Variants in DLG2 observed in about 807,000 individuals in gnomAD.
The protein encoded by DLG2 is discs large MAGUK scaffold protein 2.
DLG2 carries 45 observed loss-of-function variants against 132.5 expected under a neutral mutation model. The ratio of observed to expected loss-of-function variants is 0.34; its 90% CI spans 0.27 to 0.44. The LOEUF (loss-of-function observed/expected upper bound fraction) is 0.44. DLG2 is among the 20% of genes least tolerant of loss of function. DLG2 has a pLI of 1.00. For missense variants in DLG2, 1,045 were observed against 1,196.9 expected (o/e 0.87, Z 1.87); for synonymous variants, 424 against 419.6 (o/e 1.01, Z -0.13).
intron 4 of DLG2, among the ~76,000 whole-genome samples, chr11:85,260,612 C>T (rs934512271): frequency 3.9e-5 from 6 of 152,152 alleles, no homozygotes; most frequent in Admixed American, 3.3e-4. Context: ...GGTACTCTGC[C>T]AGATAAAAAT....
chr11:84,886,634 A>C (rs978682117), intron 6 of DLG2, among the ~76,000 whole-genome samples: 1 of 152,136 alleles, frequency 6.6e-6, no homozygotes, highest in Non-Finnish European at 1.5e-5. Context: ...AGAAGGTGCA[A>C]AACCATTTAA....
intron 11 of DLG2, among the ~76,000 whole-genome samples, chr11:84,040,577 C>T (rs1261397492): frequency 4.6e-5 from 7 of 151,814 alleles, no homozygotes; most frequent in African/African-American, 9.7e-5. Context: ...TCCATTGATC[C>T]ATATCTCTGT....
intron 19 of DLG2, among the ~76,000 whole-genome samples, chr11:83,544,961 A>G (rs574673693): frequency 6.6e-6 from 1 of 152,266 alleles, no homozygotes; most frequent in East Asian, 1.9e-4. Flanking sequence ...CAGGGCTGAC[A>G]ACTGCTTCTT....
Position 85,429,194 on chromosome 11 carries a change from G to A in DLG2, c.41-143829C>T, listed in dbSNP as rs562124511. Among the ~76,000 whole-genome samples, 58 of 152,278 alleles carry A rather than the reference G, an allele frequency of 3.8e-4. 1 individual carries two copies. Among genetic ancestry groups the A allele is most frequent in the African/African-American group, 1.3e-3 (53 of 41,558 alleles). The stretch of plus-strand genomic sequence containing the variant: ...ATGGATTCACAGCCGAATTCTACCA[G>A]AGGTACAAGGAGGAGCTGGTACCAT... On this transcript the variant is annotated intron_variant, in intron 3 of 27. Coordinates refer to ENST00000376104, the MANE Select transcript of DLG2 (RefSeq NM_001142699.3).
intron 3 of DLG2, among the ~76,000 whole-genome samples, chr11:85,389,256 C>T (rs758259614): frequency 2.0e-5 from 3 of 152,106 alleles, no homozygotes; most frequent in Non-Finnish European, 4.4e-5. Flanking sequence ...GAAGAAAGAA[C>T]TTCAGAGCTC....
At chr11:84,617,556 C>T (rs756631925) in intron 6 of DLG2, among the ~76,000 whole-genome samples, 3 of 152,094 alleles carry the variant, frequency 2.0e-5, no homozygotes, top group Non-Finnish European at 4.4e-5. Context: ...TGAGGAATGG[C>T]CACACTGTCT....
At chr11:85,522,785 G>A (rs1442474861) in intron 3 of DLG2, among the ~76,000 whole-genome samples, 9 of 152,162 alleles carry the variant, frequency 5.9e-5, no homozygotes, top group Admixed American at 5.2e-4. Context: ...ATTCGGAATG[G>A]GTGGATTTAC....
chr11:85,147,359 T>A (rs890304602), intron 5 of DLG2, among the ~76,000 whole-genome samples: 1 of 152,178 alleles, frequency 6.6e-6, no homozygotes, highest in Non-Finnish European at 1.5e-5. Flanking sequence ...TGGTTTCTCA[T>A]TGTAGTTTTG....
intron 3 of DLG2, among the ~76,000 whole-genome samples, chr11:85,462,120 A>C (rs1033544794): frequency 6.6e-6 from 1 of 152,264 alleles, no homozygotes; most frequent in Non-Finnish European, 1.5e-5. Context: ...CACGCCAGTT[A>C]GAATGGCAAT....
intron 3 of DLG2, among the ~76,000 whole-genome samples, chr11:85,532,245 ATTAT>A (rs978512839): frequency 1.3e-5 from 2 of 152,204 alleles, no homozygotes; most frequent in Non-Finnish European, 2.9e-5. Flanking sequence ...TCTTTTAATT[ATTAT>A]TTATTCATAA....
intron 7 of DLG2, among the ~76,000 whole-genome samples, chr11:84,467,651 T>C (rs1024263537): frequency 2.6e-5 from 4 of 151,400 alleles, no homozygotes; most frequent in African/African-American, 9.7e-5. Flanking sequence ...TGAACCATAA[T>C]TGAATTTTGC....
At chr11:84,934,092 AT>A (rs1185971981) in intron 6 of DLG2, among the ~76,000 whole-genome samples, 1 of 152,098 alleles carries the variant, frequency 6.6e-6, no homozygotes, top group Non-Finnish European at 1.5e-5. Flanking sequence ...TGGATGTTGA[AT>A]TTTATTGAAA....
rs1369695395 is a variant in DLG2, at chr11:85,394,037, G to A, written c.41-108672C>T. ...TTATTCATGTAACCAAGCTCCACCT[G>A]TTCCCCAAAAAAACCTATTGAAATA... is the stretch of plus-strand genomic sequence containing the variant. On this transcript the variant is annotated intron_variant, in intron 3 of 27. Transcript: ENST00000376104. Among the ~76,000 whole-genome samples the A allele has an allele frequency of 3.3e-5, 5 of 152,006 alleles. No individual in the cohort carries two copies. In the South Asian group the frequency reaches 6.2e-4, roughly 19 times the overall value.
At chr11:83,961,197 T>C (rs749234121) in intron 14 of DLG2, among the ~76,000 whole-genome samples, 2 of 152,068 alleles carry the variant, frequency 1.3e-5, no homozygotes, top group Non-Finnish European at 2.9e-5. Context: ...ATAGACTCAC[T>C]TTCTATTCCC....
intron 7 of DLG2, among the ~76,000 whole-genome samples, chr11:84,526,696 A>T (rs2099321558): frequency 6.6e-6 from 1 of 152,028 alleles, no homozygotes; most frequent in Non-Finnish European, 1.5e-5. Context: ...ATGTGATAAC[A>T]TACTTATGAA....
intron 19 of DLG2, among the ~76,000 whole-genome samples, chr11:83,545,732 G>A (rs1483451660): frequency 6.6e-6 from 1 of 152,070 alleles, no homozygotes; most frequent in Non-Finnish European, 1.5e-5. Flanking sequence ...TTCCTGAGGA[G>A]CTCAGCAACA....
chr11:83,655,250 TTGAATAAA>T (rs1448917475), intron 18 of DLG2, among the ~76,000 whole-genome samples: 2 of 152,178 alleles, frequency 1.3e-5, no homozygotes, highest in African/African-American at 4.8e-5. Context: ...TAGATATTTA[TTGAATAAA>T]TGAAGAAAAG....
chr11:83,823,163 A>C (rs547212128), intron 17 of DLG2, among the ~76,000 whole-genome samples: 45 of 152,198 alleles, frequency 3.0e-4, no homozygotes, highest in Non-Finnish European at 5.7e-4. Flanking sequence ...ACTAAAAATC[A>C]GTCCACTTTT....
At chr11:84,748,171 T>C (rs1287005901) in intron 6 of DLG2, among the ~76,000 whole-genome samples, 2 of 152,174 alleles carry the variant, frequency 1.3e-5, no homozygotes, top group South Asian at 2.1e-4. Flanking sequence ...GTGTGAGAAA[T>C]CTGCTCTCTT....
Sources: gnomAD v4.1 joint callset for allele counts (sites outside exome capture counted in the v4.1 genomes callset) on GRCh38, gnomAD v4.1.1 for gene constraint, MANE v1.5 for transcripts, NCBI Gene and HGNC (gene_info 2026-07-23, HGNC 2026-07-21) for gene names.